The following DSE variants were observed in gnomAD, a reference collection of about 807,000 sequenced individuals.
The protein encoded by DSE is dermatan sulfate epimerase.
In DSE, 36 loss-of-function variants were observed where a neutral mutation model predicts 84.4. The observed-to-expected ratio is 0.43, with a 90% CI of 0.33 to 0.56. The LOEUF is 0.56. Among genes scored for constraint, DSE ranks in the 20% least tolerant of loss-of-function variants. The pLI, the probability that DSE is intolerant of heterozygous loss-of-function variation, is 0.06. For missense variants in DSE, 862 were observed against 1,169.6 expected (o/e 0.74, Z 3.84); for synonymous variants, 410 against 430.1 (o/e 0.95, Z 0.58).
At chr6:116,278,677 C>A in intron 2 of DSE, 1 of 1,614,128 alleles carries the variant, frequency 6.2e-7, no homozygotes, top group Non-Finnish European at 8.5e-7. Flanking sequence ...CTCTGGAAGG[C>A]TGTGGTCTGA....
intron 2 of DSE, among the ~76,000 whole-genome samples, chr6:116,303,092 C>T (rs180781400): frequency 9.7e-4 from 148 of 152,256 alleles, no homozygotes; most frequent in African/African-American, 3.5e-3. Context: ...TCTTCTCTGG[C>T]CACAGTTACA....
chr6:116,356,093 G>A lies in DSE; in HGVS notation c.-53-43105G>A, dbSNP rs556216557. Among the ~76,000 whole-genome samples, 16 of 152,256 alleles carry A rather than the reference G, an allele frequency of 1.1e-4. No individual in the cohort carries two copies. The East Asian group carries it at 2.5e-3, about 24-fold the overall frequency. On this transcript the variant is annotated intron_variant, in intron 2 of 3. Transcript: ENST00000430252. ...GCTCAGAGTGAAGAGGCTTTTAAACGCTGTCCTGTAGATTGGTATGGACAG... is the reference window on the plus strand; with the variant it reads ...GCTCAGAGTGAAGAGGCTTTTAAACACTGTCCTGTAGATTGGTATGGACAG...
intron 2 of DSE, among the ~76,000 whole-genome samples, chr6:116,363,412 T>G (rs1404387466): frequency 6.6e-6 from 1 of 152,070 alleles, no homozygotes; most frequent in Non-Finnish European, 1.5e-5. Context: ...TGATAGATAC[T>G]TAGCTGATCT....
chr6:116,304,393 A>T (rs1356691961), intron 2 of DSE, among the ~76,000 whole-genome samples: 7 of 152,196 alleles, frequency 4.6e-5, no homozygotes, highest in Non-Finnish European at 1.0e-4. Flanking sequence ...CAGGAGATAG[A>T]GTGCCATCCC....
intron 2 of DSE, among the ~76,000 whole-genome samples, chr6:116,259,759 C>A (rs189241638): frequency 1.3e-5 from 2 of 152,292 alleles, no homozygotes; most frequent in African/African-American, 4.8e-5. Context: ...CCTGTTCCTG[C>A]TTTAGTTTGC....
chr6:116,436,393 A>G lies in DSE; in HGVS notation c.1925A>G (p.Asn642Ser), dbSNP rs778549261. Residue 642 changes from asparagine to serine, a missense_variant, in exon 6 of 6, where the codon AAT (asparagine) becomes AGT (serine). By Grantham distance (46) the Asn-to-Ser change is conservative. This residue lies in a region of DSE where 186 missense variants were observed against 255.1 expected (regional missense o/e 0.73). Coordinates refer to ENST00000644252, the MANE Select transcript of DSE (RefSeq NM_013352.4). ...SVTYPRGYPY[N>S]GTNYVNVTMH... is the part of the protein sequence containing the mutation. ...ACATATCCTCGGGGCTATCCCTACAATGGGACAAACTATGTGAATGTCACC... is the reference window on the plus strand; with the variant it reads ...ACATATCCTCGGGGCTATCCCTACAGTGGGACAAACTATGTGAATGTCACC... The G allele has an allele frequency of 6.2e-7, 1 of 1,614,144 alleles. No individual in the cohort carries two copies.
At chr6:116,262,450 G>A (rs992648912) in intron 2 of DSE, among the ~76,000 whole-genome samples, 2 of 152,090 alleles carry the variant, frequency 1.3e-5, no homozygotes, top group African/African-American at 2.4e-5. Flanking sequence ...ATTTCTGTAG[G>A]ATCAGTGGTA....
intron 2 of DSE, among the ~76,000 whole-genome samples, chr6:116,340,221 G>A (rs1777507066): frequency 6.6e-6 from 1 of 151,996 alleles, no homozygotes. Context: ...ATATTTTTCT[G>A]TCTCCTTCTC....
At chr6:116,405,425 G>A (rs3798413) in intron 2 of DSE, among the ~76,000 whole-genome samples, 54,981 of 151,924 alleles carry the variant, frequency 0.36, 10,225 homozygotes, top group Admixed American at 0.4. Context: ...AAGTGGACTC[G>A]TGGAGACAAA....
chr6:116,371,151 TG>T (rs1779527744), intron 1 of DSE, 30 bp downstream of exon 1: 1 of 985,670 alleles, frequency 1.0e-6, no homozygotes, highest in Non-Finnish European at 1.2e-6. Context: ...AGGGACGAGC[TG>T]GGGCGCGCGG....
intron 2 of DSE, among the ~76,000 whole-genome samples, chr6:116,421,471 T>A (rs1345709710): frequency 1.7e-3 from 174 of 100,372 alleles, no homozygotes; most frequent in African/African-American, 8.4e-3. Flanking sequence ...ATATTTTTTT[T>A]TTTTTTTTTT....
At chr6:116,317,226 C>T (rs1776034460) in intron 2 of DSE, among the ~76,000 whole-genome samples, 1 of 152,240 alleles carries the variant, frequency 6.6e-6, no homozygotes, top group African/African-American at 2.4e-5. Flanking sequence ...CTTTGTATTT[C>T]TGTTGTACAG....
At chr6:116,287,906 T>C (rs1774026584) in intron 2 of DSE, among the ~76,000 whole-genome samples, 1 of 152,122 alleles carries the variant, frequency 6.6e-6, no homozygotes, top group South Asian at 2.1e-4. Context: ...AAGAAAGTGA[T>C]GTATCTAGTC....
chr6:116,426,938 C>T (rs1307458194), intron 3 of DSE, 111 bp downstream of exon 3: 12 of 1,388,340 alleles, frequency 8.6e-6, no homozygotes, highest in Non-Finnish European at 1.1e-5. Context: ...TACTTGGATC[C>T]TAACTAAACC....
chr6:116,376,561 CAT>C (rs1191670181), intron 1 of DSE, among the ~76,000 whole-genome samples: 3 of 152,312 alleles, frequency 2.0e-5, no homozygotes, highest in East Asian at 1.9e-4. Context: ...TTCAGAATAA[CAT>C]ATGAAATTTA....
At position 116,399,351 on chromosome 6, in the gene DSE, C is replaced by T. The variant is rs35548455; in HGVS notation, c.101C>T (p.Pro34Leu). 0.057 allele frequency: 92,444 copies of T among 1,614,064 alleles called. 3,052 individuals carry two copies. Among genetic ancestry groups the T allele is most frequent in the Non-Finnish European group, 0.067 (78,765 of 1,180,018 alleles). ...ITDENPEVMI[P>L]FTNANYDSHP... ...GACGAGAACCCAGAAGTTATGATTC[C>T]CTTCACCAATGCCAACTACGACAGC... Residue 34 changes from proline (P) to leucine (L), a missense_variant, in exon 2 of 6, where the codon CCC becomes CTC. Physicochemically the swap from Pro to Leu is moderately conservative, Grantham distance 98. Around this residue, in one of 4 missense-constraint regions of DSE, gnomAD observed 52 missense variants for 49.6 expected, o/e 1.05. Transcript: ENST00000644252.
At chr6:116,261,632 T>G (rs1211396944) in intron 2 of DSE, among the ~76,000 whole-genome samples, 1 of 152,180 alleles carries the variant, frequency 6.6e-6, no homozygotes, top group African/African-American at 2.4e-5. Flanking sequence ...CTTCCAATAC[T>G]GTGTTGAATA....
chr6:116,385,410 A>T (rs1332577194), intron 1 of DSE, among the ~76,000 whole-genome samples: 2 of 152,112 alleles, frequency 1.3e-5, no homozygotes, highest in African/African-American at 4.8e-5. Context: ...GTCGCAGGCA[A>T]GACATGGTAT....
chr6:116,385,174 C>G (rs1780504972), intron 1 of DSE, among the ~76,000 whole-genome samples: 1 of 152,274 alleles, frequency 6.6e-6, no homozygotes, highest in East Asian at 1.9e-4. Flanking sequence ...AGAGACTGGA[C>G]AGTCGGACAT....
Sources: allele counts gnomAD v4.1 joint callset (sites outside exome capture counted in the v4.1 genomes callset), GRCh38; gene constraint gnomAD v4.1.1; regional missense constraint gnomAD v4.1.1; transcripts MANE v1.5; gene names NCBI Gene and HGNC (gene_info 2026-07-23, HGNC 2026-07-21).